The following PUM1 variants were observed in gnomAD, a reference collection of about 807,000 sequenced individuals.
PUM1 encodes pumilio homolog 1.
A neutral mutation model predicts 131.8 loss-of-function variants in PUM1; 13 were observed. The ratio of observed to expected loss-of-function variants is 0.10; its 90% CI spans 0.06 to 0.16. The LOEUF (loss-of-function observed/expected upper bound fraction) is 0.16. PUM1 is among the 10% of genes least tolerant of loss of function. The probability of loss-of-function intolerance (pLI) is 1.00; values close to 1 mark genes in which losing one functional copy is unlikely to be tolerated. For missense variants in PUM1, 961 were observed against 1,512.4 expected, an observed-to-expected ratio of 0.64 and a Z score of 6.05; for synonymous variants, 509 against 556.5, an observed-to-expected ratio of 0.91 and a Z score of 1.20.
intron 12 of PUM1, chr1:30,966,963 A>C: frequency 9.6e-6 from 5 of 520,568 alleles, no homozygotes; most frequent in Admixed American, 3.7e-5. Flanking sequence ...GGCACATGCC[A>C]CCCCTCCCCC....
At chr1:30,966,954 G>T in intron 12 of PUM1, 1 of 509,652 alleles carries the variant, frequency 2.0e-6, no homozygotes, top group Non-Finnish European at 3.4e-6. Context: ...TAACCAGCTG[G>T]CACATGCCAC....
At chr1:31,027,012 A>G (rs1225044540) in intron 3 of PUM1, among the ~76,000 whole-genome samples, 1 of 151,892 alleles carries the variant, frequency 6.6e-6, no homozygotes, top group Admixed American at 6.6e-5. Flanking sequence ...TAACACTGTC[A>G]ACTTGTCATT....
chr1:31,007,226 G>A, intron 3 of PUM1, 124 bp from the exon 4 acceptor site: 1 of 695,550 alleles, frequency 1.4e-6, no homozygotes, highest in Non-Finnish European at 2.5e-6. Context: ...TTTAATTAAA[G>A]TGTTCCAACT....
Position 30,999,090 on chromosome 1 carries a change from T to C in PUM1, c.721-3870A>G, listed in dbSNP as rs1642091759. Among the ~76,000 whole-genome samples the C allele has an allele frequency of 2.6e-5, 4 of 152,318 alleles. No individual in the cohort carries two copies. The South Asian group carries it at 8.3e-4, about 32-fold the overall frequency. ...ATGATGACTCACTGCAGCCTTGACC[T>C]CTAGGGCTCATGTGATCCTTCCACC... On this transcript the variant is annotated intron_variant, in intron 5 of 21. Coordinates refer to ENST00000426105, the MANE Select transcript of PUM1 (RefSeq NM_001020658.2).
intron 10 of PUM1, among the ~76,000 whole-genome samples, chr1:30,971,827 T>C (rs1640882136): frequency 6.6e-6 from 1 of 152,254 alleles, no homozygotes; most frequent in African/African-American, 2.4e-5. Flanking sequence ...GTATTATTCT[T>C]GTTCACTGTA....
intron 14 of PUM1, among the ~76,000 whole-genome samples, chr1:30,956,118 T>A (rs1318178512): frequency 6.6e-6 from 1 of 152,242 alleles, no homozygotes; most frequent in Non-Finnish European, 1.5e-5. Context: ...ATTTTCTGAC[T>A]CAGTTTCATC....
rs117946401 is a variant in PUM1 at position 30,980,286 on chromosome 1, C to T, written c.1253-123G>A. ...AAGGAAAAAATGAAAAAAGAGAAGA[C>T]GGGACAGGTTGAGGGTAAAGAGAAA... On this transcript the variant is annotated intron_variant, in intron 8 of 21. Coordinates refer to ENST00000426105, the MANE Select transcript of PUM1 (RefSeq NM_001020658.2). The T allele has an allele frequency of 5.5e-3, 4,230 of 769,574 alleles. 28 individuals carry two copies. Among genetic ancestry groups the T allele is most frequent in the East Asian group, 0.023 (848 of 36,950 alleles). 47.7% of individuals were successfully genotyped at this position (769,574 alleles called of 1,614,324 possible).
chr1:30,974,069 C>T (rs1237159835), intron 10 of PUM1, among the ~76,000 whole-genome samples: 1 of 146,256 alleles, frequency 6.8e-6, no homozygotes, highest in East Asian at 2.0e-4. Flanking sequence ...GCCTGGGCGA[C>T]AGAGCTAGAC....
chr1:31,034,085 C>T (rs1380744970), intron 2 of PUM1, among the ~76,000 whole-genome samples: 1 of 152,140 alleles, frequency 6.6e-6, no homozygotes, highest in Non-Finnish European at 1.5e-5. Context: ...TCTTAAAAAG[C>T]AGAATAAAGC....
intron 20 of PUM1, 60 bp from the exon 21 acceptor site, chr1:30,936,895 T>G: frequency 7.0e-7 from 1 of 1,432,804 alleles, no homozygotes; most frequent in Non-Finnish European, 9.6e-7. Flanking sequence ...AGTGAGGCTG[T>G]GCTTGCCTAG....
intron 2 of PUM1, among the ~76,000 whole-genome samples, chr1:31,049,881 G>A (rs1644067926): frequency 1.5e-5 from 2 of 137,614 alleles, no homozygotes; most frequent in African/African-American, 2.7e-5. Context: ...CCAAGCTGGA[G>A]TGCAGTGGTG....
intron 3 of PUM1, among the ~76,000 whole-genome samples, chr1:31,015,593 G>A (rs1011804405): frequency 2.2e-4 from 33 of 151,750 alleles, no homozygotes; most frequent in African/African-American, 5.3e-4. Context: ...TGCCCACCTC[G>A]GCCTCCCAAA....
chr1:31,037,025 G>T, intron 2 of PUM1: 1 of 163,806 alleles, frequency 6.1e-6, no homozygotes, highest in South Asian at 1.7e-4. Flanking sequence ...GCTGAGAACA[G>T]ATACCAACCA....
intron 2 of PUM1, among the ~76,000 whole-genome samples, chr1:31,051,274 G>A (rs1487341394): frequency 1.3e-5 from 2 of 151,050 alleles, no homozygotes; most frequent in South Asian, 2.1e-4. Flanking sequence ...GAAGGTACAA[G>A]TGGAGTCAAA....
At chr1:30,990,661 G>T (rs1053674762) in intron 7 of PUM1, among the ~76,000 whole-genome samples, 1 of 151,166 alleles carries the variant, frequency 6.6e-6, no homozygotes, top group South Asian at 2.1e-4. Context: ...TGCTATTAGG[G>T]CCCCCGGTAC....
Position 30,947,629 on chromosome 1 carries a change from T to C in PUM1, c.2857-2146A>G, listed in dbSNP as rs532618273. Among the ~76,000 whole-genome samples, 5 of 152,304 alleles carry C rather than the reference T, an allele frequency of 3.3e-5. No individual in the cohort carries two copies. In the South Asian group the frequency reaches 8.3e-4, roughly 25 times the overall value. ...CTATACCTGGTGCCTCCTGCCCAGT[T>C]TCCCTGCTGTCTCCAATCTCTGTAC... On this transcript the variant is annotated intron_variant, in intron 17 of 21. Coordinates refer to ENST00000426105, the MANE Select transcript of PUM1 (RefSeq NM_001020658.2).
At chr1:30,985,777 A>G (rs1361707912) in intron 7 of PUM1, among the ~76,000 whole-genome samples, 1 of 152,246 alleles carries the variant, frequency 6.6e-6, no homozygotes, top group East Asian at 1.9e-4. Context: ...TACTTTCTGC[A>G]TTATACTACT....
rs555265976 is a variant in PUM1 at position 31,059,321 on chromosome 1, G to A, written c.246C>T (p.Asp82=). The A allele has an allele frequency of 1.2e-6, 2 of 1,614,158 alleles. No individual in the cohort carries two copies. The highest frequency in any genetic ancestry group is 2.2e-5 in the East Asian group (1 of 44,870). The stretch of plus-strand genomic sequence containing the variant: ...CACCATGCTGCCTCTGAAAGAAGTA[G>A]TCCACCATAGCGTCGTCCTGGGAAC... ...AGRSQDDAMV[D]YFFQRQHGEQ... is the part of the protein sequence containing the mutation. The change falls in exon 2 of 22, where the codon GAC becomes GAT. Residue 82 remains aspartate, a synonymous_variant. Transcript: ENST00000426105.
In PUM1 at chr1:31,059,693, T is replaced by G. The variant is rs1242974952; in HGVS notation, c.-11-116A>C. 3 of 1,237,288 alleles carry G rather than the reference T, an allele frequency of 2.4e-6. No individual in the cohort carries two copies. In the East Asian group the frequency reaches 7.4e-5, roughly 31 times the overall value. 76.6% of individuals were successfully genotyped at this position (1,237,288 alleles called of 1,614,324 possible). A position where few individuals can be genotyped will look rare whatever the true frequency, so the allele number is the denominator to read the frequency against. ...CAATAAATAAATGTCGTTGGTGGCA[T>G]GCACTCTGGCAAGGTATTGGGATCA... On this transcript the variant is annotated intron_variant, in intron 1 of 21. Transcript: ENST00000426105.
Sources: allele counts gnomAD v4.1 joint callset (sites outside exome capture counted in the v4.1 genomes callset), GRCh38; gene constraint gnomAD v4.1.1; transcripts MANE v1.5; gene names NCBI Gene and HGNC (gene_info 2026-07-23, HGNC 2026-07-21).